GIPC2: variants seen among roughly 807,000 people sequenced by gnomAD.
GIPC2 encodes GIPC PDZ domain containing family member 2.
A neutral mutation model predicts 30.6 loss-of-function variants in GIPC2; 30 were observed. The ratio of observed to expected loss-of-function variants is 0.98; its 90% CI spans 0.73 to 1.33. The LOEUF (loss-of-function observed/expected upper bound fraction) is 1.33, where lower values mean the gene tolerates loss of function less well. Among genes scored for constraint, GIPC2 ranks in the 40% most tolerant of loss-of-function variants. The probability of loss-of-function intolerance (pLI) is 0.00; values close to 1 mark genes in which losing one functional copy is unlikely to be tolerated. For synonymous variants in GIPC2, 167 were observed against 150.0 expected (o/e 1.11, Z -0.83); for missense variants, 414 against 390.3 (o/e 1.06, Z -0.51).
intron 1 of GIPC2, among the ~76,000 whole-genome samples, chr1:78,072,065 A>G (rs980096890): frequency 6.6e-6 from 1 of 152,172 alleles, no homozygotes; most frequent in Admixed American, 6.5e-5. Flanking sequence ...ACCAATTACT[A>G]TATATGTGAC....
rs906170227 is a variant in GIPC2 at position 78,132,665 on chromosome 1, A to G, written c.797-2927A>G. The stretch of plus-strand genomic sequence containing the variant: ...TTCTTTTTCCCTCTTATAGCCAAGG[A>G]TGTGTGTGTGTGTGTGTGTGTGTGT... On this transcript the variant is annotated intron_variant, in intron 5 of 5. Transcript: ENST00000370759. Among the ~76,000 whole-genome samples, 8 of 142,714 alleles carry G rather than the reference A, an allele frequency of 5.6e-5. No homozygotes were observed. In the South Asian group the frequency reaches 6.9e-4, roughly 12 times the overall value. 93.6% of individuals were successfully genotyped at this position (142,714 alleles called of 152,430 possible).
chr1:78,120,191 C>A (rs1022789588), intron 4 of GIPC2, among the ~76,000 whole-genome samples: 1 of 152,240 alleles, frequency 6.6e-6, no homozygotes, highest in Admixed American at 6.5e-5. Context: ...AACCTAAAGT[C>A]CTCAGAATGA....
At chr1:78,135,388 A>G (rs1662981334) in intron 5 of GIPC2, among the ~76,000 whole-genome samples, 1 of 152,164 alleles carries the variant, frequency 6.6e-6, no homozygotes, top group South Asian at 2.1e-4. Context: ...TTCAGTGGAC[A>G]CATTGTTGAA....
chr1:78,109,031 TTC>T, intron 3 of GIPC2, among the ~76,000 whole-genome samples: 1 of 152,322 alleles, frequency 6.6e-6, no homozygotes, highest in East Asian at 1.9e-4. Flanking sequence ...CTTTTCTCTC[TTC>T]TGATGTCCTG....
At position 78,135,687 on chromosome 1, in the gene GIPC2, G is replaced by T; in HGVS notation, c.892G>T (p.Glu298Ter). Residue 298 changes from glutamate to a stop codon, truncating the protein, a stop_gained, in exon 6 of 6, where the codon GAA becomes TAA. Transcript: ENST00000370759. LOFTEE classifies it high-confidence loss of function. ...TCTTGGAGACTTTGCGTTCCCAGAC[G>T]AATTTGTCTTTGATGTTTGGGGAGT... is the stretch of plus-strand genomic sequence containing the variant. Reference protein sequence around the residue: ...ETLGDFAFPDEFVFDVWGVIG... With the variant: ...ETLGDFAFPD The T allele has an allele frequency of 6.2e-7, 1 of 1,613,400 alleles. No individual in the cohort carries two copies. The highest frequency in any genetic ancestry group is 8.5e-7 in the Non-Finnish European group (1 of 1,179,576).
intron 5 of GIPC2, among the ~76,000 whole-genome samples, chr1:78,134,745 A>G (rs1237325625): frequency 6.6e-6 from 1 of 152,172 alleles, no homozygotes; most frequent in Non-Finnish European, 1.5e-5. Flanking sequence ...TTAACCTGGA[A>G]GGAAAGGAGA....
intron 3 of GIPC2, among the ~76,000 whole-genome samples, chr1:78,106,935 C>A (rs1013402316): frequency 1.3e-5 from 2 of 152,174 alleles, no homozygotes; most frequent in African/African-American, 4.8e-5. Flanking sequence ...CTCGGCCTCC[C>A]AAGGTGCTGG....
intron 3 of GIPC2, among the ~76,000 whole-genome samples, chr1:78,115,728 G>A (rs1161232365): frequency 6.6e-6 from 1 of 152,186 alleles, no homozygotes; most frequent in African/African-American, 2.4e-5. Context: ...ATTAGCATTT[G>A]GATGTTTCCC....
At chr1:78,116,503 G>C (rs1207363057) in intron 3 of GIPC2, among the ~76,000 whole-genome samples, 15 of 141,790 alleles carry the variant, frequency 1.1e-4, no homozygotes, top group African/African-American at 2.1e-4. Context: ...TATCCCTCCC[G>C]CCTCCCCCCA....
intron 3 of GIPC2, among the ~76,000 whole-genome samples, chr1:78,102,551 A>G (rs571090248): frequency 1.3e-5 from 2 of 152,384 alleles, no homozygotes; most frequent in East Asian, 3.9e-4. Context: ...AAAAAGTTAC[A>G]AAAGAGATGA....
At chr1:78,123,403 G>T (rs1401914184) in intron 4 of GIPC2, among the ~76,000 whole-genome samples, 1 of 152,030 alleles carries the variant, frequency 6.6e-6, no homozygotes, top group Non-Finnish European at 1.5e-5. Flanking sequence ...AGATTGGAGT[G>T]TGGGGTGCTG....
At chr1:78,045,896 G>C, upstream of GIPC2, 1 of 1,344,016 alleles carries the variant, frequency 7.4e-7, no homozygotes, top group Non-Finnish European at 9.5e-7. Context: ...ATCCATCCCG[G>C]GGGAGGCTGG....
At chr1:78,114,109 C>A (rs1004610866) in intron 3 of GIPC2, among the ~76,000 whole-genome samples, 4 of 152,216 alleles carry the variant, frequency 2.6e-5, no homozygotes, top group Admixed American at 2.0e-4. Flanking sequence ...ACAAGCCGTG[C>A]ATTCCTGTGC....
intron 3 of GIPC2, among the ~76,000 whole-genome samples, chr1:78,113,448 C>T (rs754388673): frequency 7.9e-5 from 12 of 151,966 alleles, no homozygotes; most frequent in South Asian, 2.1e-4. Context: ...AGTACAGTGG[C>T]GTGATCACAG....
intron 2 of GIPC2, among the ~76,000 whole-genome samples, chr1:78,082,961 C>T (rs1315768702): frequency 1.3e-5 from 2 of 152,020 alleles, no homozygotes; most frequent in Non-Finnish European, 2.9e-5. Flanking sequence ...TATATATATA[C>T]TCTTTACCCC....
intron 2 of GIPC2, among the ~76,000 whole-genome samples, chr1:78,083,911 C>T (rs937085989): frequency 2.0e-5 from 3 of 152,184 alleles, no homozygotes; most frequent in Admixed American, 2.0e-4. Context: ...TCCTTTTCCC[C>T]TGACCTAGAA....
At chr1:78,067,723 T>A (rs1345845840) in intron 1 of GIPC2, among the ~76,000 whole-genome samples, 1 of 152,198 alleles carries the variant, frequency 6.6e-6, no homozygotes, top group African/African-American at 2.4e-5. Flanking sequence ...AGTGCTGGGA[T>A]TATAGGCGTG....
intron 2 of GIPC2, among the ~76,000 whole-genome samples, chr1:78,086,071 G>C (rs1571497656): frequency 6.6e-6 from 1 of 151,938 alleles, no homozygotes; most frequent in African/African-American, 2.4e-5. Flanking sequence ...AGTGCTATAA[G>C]TTTCCCTCTT....
chr1:78,128,440 A>C (rs1395116168), intron 5 of GIPC2, among the ~76,000 whole-genome samples: 2 of 152,222 alleles, frequency 1.3e-5, no homozygotes, highest in Admixed American at 6.5e-5. Flanking sequence ...ACTAGGAATA[A>C]AGACAGACAT....
Sources: allele counts gnomAD v4.1 joint callset (sites outside exome capture counted in the v4.1 genomes callset), GRCh38; gene constraint gnomAD v4.1.1; transcripts MANE v1.5; gene names NCBI Gene and HGNC (gene_info 2026-07-23, HGNC 2026-07-21).